The following LHFPL3 variants were observed in gnomAD, a reference collection of about 807,000 sequenced individuals.
LHFPL3 encodes the protein LHFPL tetraspan subfamily member 3 protein.
Under a neutral mutation model 19.3 loss-of-function variants are expected in LHFPL3, and 5 were observed. The ratio of observed to expected loss-of-function variants is 0.26; its 90% CI spans 0.14 to 0.54. The LOEUF is 0.54. Ranked by LOEUF, LHFPL3 falls within the 20% of genes least tolerant of loss-of-function variation. The pLI, the probability that LHFPL3 is intolerant of heterozygous loss-of-function variation, is 0.94. For synonymous variants in LHFPL3, 133 were observed against 126.2 expected (o/e 1.05, Z -0.36); for missense variants, 249 against 307.4 (o/e 0.81, Z 1.42).
chr7:104,578,624 G>T (rs1461188943), intron 1 of LHFPL3, among the ~76,000 whole-genome samples: 3 of 152,070 alleles, frequency 2.0e-5, no homozygotes, highest in Non-Finnish European at 2.9e-5. Flanking sequence ...CAGCTTTCCT[G>T]GTGTCCAGTC....
intron 2 of LHFPL3, among the ~76,000 whole-genome samples, chr7:104,900,266 T>C (rs2116726808): frequency 6.6e-6 from 1 of 152,376 alleles, no homozygotes; most frequent in South Asian, 2.1e-4. Flanking sequence ...GTGCCTGTTT[T>C]CTTGCTTTTA....
At chr7:104,708,311 T>C (rs557686308) in intron 1 of LHFPL3, among the ~76,000 whole-genome samples, 1 of 152,338 alleles carries the variant, frequency 6.6e-6, no homozygotes, top group East Asian at 1.9e-4. Flanking sequence ...AGGAAACATA[T>C]CTTTCACTCT....
At chr7:104,639,017 A>G (rs2385253) in intron 1 of LHFPL3, among the ~76,000 whole-genome samples, 148,228 of 151,990 alleles carry the variant, frequency 0.98, 72,375 homozygotes, top group East Asian at 1. Context: ...CTCCCCACTC[A>G]GCCTCCCAAA....
At chr7:104,634,543 G>A (rs982769836) in intron 1 of LHFPL3, among the ~76,000 whole-genome samples, 1 of 152,172 alleles carries the variant, frequency 6.6e-6, no homozygotes, top group African/African-American at 2.4e-5. Flanking sequence ...CACCAAAGAG[G>A]AAAGAGTGTT....
chr7:104,700,453 G>A (rs932912617), intron 1 of LHFPL3, among the ~76,000 whole-genome samples: 1 of 152,170 alleles, frequency 6.6e-6, no homozygotes, highest in East Asian at 1.9e-4. Flanking sequence ...CCAGCATGAA[G>A]GGCTCTCTTC....
rs1266223006 is a variant in LHFPL3, at chr7:104,907,338, A to G, written c.*1123A>G. 1 of 152,206 alleles carries G rather than the reference A, an allele frequency of 6.6e-6. No homozygotes were observed. Among genetic ancestry groups the G allele is most frequent in the East Asian group, 1.9e-4 (1 of 5,204 alleles). 9.4% of individuals were successfully genotyped at this position (152,206 alleles called of 1,614,324 possible). On this transcript the variant is annotated 3_prime_UTR_variant, in exon 3 of 3. Transcript: ENST00000424859. ...AATAGCCTTAGAAATAAATGACTGT[A>G]TACTTATACAGGTTGAAAAAAACTC...
At chr7:104,337,926 A>T (rs962867168) in intron 1 of LHFPL3, among the ~76,000 whole-genome samples, 1 of 152,112 alleles carries the variant, frequency 6.6e-6, no homozygotes, top group Non-Finnish European at 1.5e-5. Context: ...CTTCATAGAG[A>T]AAGGAATGCT....
At chr7:104,890,915 C>T (rs1342866595) in intron 2 of LHFPL3, among the ~76,000 whole-genome samples, 2 of 152,100 alleles carry the variant, frequency 1.3e-5, no homozygotes, top group South Asian at 2.1e-4. Context: ...CCACCAGCAG[C>T]GCCCCAGCTC....
In LHFPL3 at chr7:104,805,202, T is replaced by A. The variant is rs115418371; in HGVS notation, c.682+68291T>A. On this transcript the variant is annotated intron_variant, in intron 2 of 2. Transcript: ENST00000424859. ...GACTGGGCTAAGTATCACAGATTCCTCAGGACTTAACCCAAAAGAAAGGAC... is the reference window on the plus strand; with the variant it reads ...GACTGGGCTAAGTATCACAGATTCCACAGGACTTAACCCAAAAGAAAGGAC... 7.6e-3 allele frequency among the ~76,000 whole-genome samples: 1,155 copies of A among 152,374 alleles called. 13 individuals carry two copies. The highest frequency in any genetic ancestry group is 0.026 in the African/African-American group (1,097 of 41,586).
chr7:104,649,430 T>C (rs1034671716), intron 1 of LHFPL3, among the ~76,000 whole-genome samples: 4 of 151,960 alleles, frequency 2.6e-5, no homozygotes, highest in Non-Finnish European at 5.9e-5. Flanking sequence ...GGTCTTCTGG[T>C]AAAGGTATGG....
At chr7:104,624,298 G>C (rs1791504615) in intron 1 of LHFPL3, among the ~76,000 whole-genome samples, 1 of 152,186 alleles carries the variant, frequency 6.6e-6, no homozygotes, top group African/African-American at 2.4e-5. Flanking sequence ...CGGCGAAGTA[G>C]TCAATATTGA....
intron 1 of LHFPL3, among the ~76,000 whole-genome samples, chr7:104,370,364 C>T (rs535476603): frequency 1.8e-4 from 28 of 152,186 alleles, no homozygotes; most frequent in Admixed American, 9.2e-4. Context: ...ATCGAGTGTC[C>T]TTTTTTCCTC....
intron 2 of LHFPL3, among the ~76,000 whole-genome samples, chr7:104,832,624 C>CTTTTTTTTTTTT (rs10636405): frequency 7.6e-6 from 1 of 132,032 alleles, no homozygotes; most frequent in Non-Finnish European, 1.6e-5. Context: ...TTTTTTCCTT[C>CTTTTTTTTTTTT]TTTTTTTTTT....
At chr7:104,809,371 GT>G (rs1790424394) in intron 2 of LHFPL3, among the ~76,000 whole-genome samples, 1 of 152,228 alleles carries the variant, frequency 6.6e-6, no homozygotes, top group Non-Finnish European at 1.5e-5. Flanking sequence ...ATGTGCTGAA[GT>G]GAAAAGCTCT....
intron 1 of LHFPL3, among the ~76,000 whole-genome samples, chr7:104,692,452 G>A (rs539429914): frequency 6.6e-6 from 1 of 152,314 alleles, no homozygotes; most frequent in East Asian, 1.9e-4. Flanking sequence ...TTGTTTCATG[G>A]GCTGGGCCCA....
At chr7:104,638,854 G>A (rs1052137995) in intron 1 of LHFPL3, among the ~76,000 whole-genome samples, 5 of 150,262 alleles carry the variant, frequency 3.3e-5, no homozygotes, top group African/African-American at 9.8e-5. Context: ...TCTTGACCTC[G>A]AAGGCTCAAG....
intron 2 of LHFPL3, among the ~76,000 whole-genome samples, chr7:104,740,343 A>G (rs1051143626): frequency 2.0e-5 from 3 of 152,242 alleles, no homozygotes; most frequent in East Asian, 3.8e-4. Context: ...TTATAGTGAG[A>G]ATAGCCTGAA....
chr7:104,472,137 A>T (rs1279047986), intron 1 of LHFPL3, among the ~76,000 whole-genome samples: 1 of 151,428 alleles, frequency 6.6e-6, no homozygotes, highest in Admixed American at 6.6e-5. Flanking sequence ...TGATTGCACC[A>T]CTGCACTCCA....
At chr7:104,413,143 A>T (rs559673346) in intron 1 of LHFPL3, among the ~76,000 whole-genome samples, 23 of 152,358 alleles carry the variant, frequency 1.5e-4, no homozygotes, top group African/African-American at 5.3e-4. Flanking sequence ...GGAAAGAAAC[A>T]GGCTCTGACT....
Sources: gnomAD v4.1 joint callset for allele counts (sites outside exome capture counted in the v4.1 genomes callset) on GRCh38, gnomAD v4.1.1 for gene constraint, MANE v1.5 for transcripts, NCBI Gene and HGNC (gene_info 2026-07-23, HGNC 2026-07-21) for gene names.